TTN: variants seen among roughly 807,000 people sequenced by gnomAD.
TTN encodes the protein titin.
TTN carries 1,525 observed loss-of-function variants against 3,223.0 expected under a neutral mutation model. The observed-to-expected ratio is 0.47, with a 90% CI of 0.45 to 0.49. The LOEUF is 0.49. Among genes scored for constraint, TTN ranks in the 20% least tolerant of loss-of-function variants. The pLI is 0.00. For missense variants in TTN, 40,786 were observed against 43,424.0 expected (o/e 0.94, Z 5.40); for synonymous variants, 14,094 against 15,161.0 (o/e 0.93, Z 5.17).
rs1235358964 is a variant in TTN, at chr2:178,770,527, G to C, written c.8265C>G (p.Ile2755Met). ...VVLESNEKYA[I>M]SVKGTIYSLR... ...GAGAGTAAATTGTTCCTTTGACAGA[G>C]ATAGCATACTTTTCATTGGATTCCA... is the stretch of plus-strand genomic sequence containing the variant. Residue 2755 changes from isoleucine to methionine, a missense_variant, in exon 35 of 363, where the codon ATC (isoleucine) becomes ATG (methionine). Coordinates refer to ENST00000589042, the MANE Select transcript of TTN (RefSeq NM_001267550.2). 1 of 1,614,144 alleles carries C rather than the reference G, an allele frequency of 6.2e-7. No homozygotes were observed. The highest frequency in any genetic ancestry group is 1.7e-5 in the Admixed American group (1 of 60,010).
In TTN at chr2:178,634,796, G is replaced by T; in HGVS notation, c.42078C>A (p.Val14026=). The change falls in exon 229 of 363, where the codon GTC becomes GTA. Residue 14026 remains valine, a synonymous_variant. Coordinates refer to ENST00000589042, the MANE Select transcript of TTN (RefSeq NM_001267550.2). This position sits in a 1 kb window ranked among gnomAD's most constrained non-coding sequence, Gnocchi z 4.6. ...GGACTTCACCAGCTTGGTCCAGTTT[G>T]ACTTTGTGCAAAGTTAAGAAGCGTT... is the stretch of plus-strand genomic sequence containing the variant. ...GGKRFLTLHK[V]KLDQAGEVLY... 1 of 1,612,924 alleles carries T rather than the reference G, an allele frequency of 6.2e-7. No homozygotes were observed. Among genetic ancestry groups the T allele is most frequent in the South Asian group, 1.1e-5 (1 of 90,912 alleles).
In TTN at chr2:178,776,974, C is replaced by T. The variant is rs752145538; in HGVS notation, c.4890G>A (p.Ala1630=). The T allele has an allele frequency of 1.1e-5, 17 of 1,613,792 alleles. No homozygotes were observed. Among genetic ancestry groups the T allele is most frequent in the African/African-American group, 5.3e-5 (4 of 74,882 alleles). The change falls in exon 28 of 363, where the codon GCG becomes GCA. Residue 1630 remains alanine, a synonymous_variant. Coordinates refer to ENST00000589042, the MANE Select transcript of TTN (RefSeq NM_001267550.2). ...CTCTGCCAGCTTTATTAATAGCAGT[C>T]GCAGTATACCAGGCAGAATCTTGGC... ...TVSQDSAWYT[A]TAINKAGRDT...
Position 178,776,503 on chromosome 2 carries a change from G to A in TTN, c.5361C>T (p.His1787=), listed in dbSNP as rs958776952. ...CTTTAACAATAAGGGTAGCAGATGT[G>A]TGATCTGTTCCATATTTGTTAGTGG... ...CRATNKYGTD[H]TSATLIVKDE... Residue 1787 remains histidine (H), a synonymous_variant, in exon 28 of 363, where the codon CAC becomes CAT. Transcript: ENST00000589042. 3 of 1,608,578 alleles carry A rather than the reference G, an allele frequency of 1.9e-6. No individual in the cohort carries two copies. Among genetic ancestry groups the A allele is most frequent in the Non-Finnish European group, 2.5e-6 (3 of 1,179,978 alleles).
rs746309005 is a variant in TTN, at chr2:178,548,056, A to G, written c.93570T>C (p.Asn31190=). The G allele has an allele frequency of 1.9e-6, 3 of 1,613,762 alleles. No individual in the cohort carries two copies. Among genetic ancestry groups the G allele is most frequent in the Admixed American group, 1.7e-5 (1 of 59,976 alleles). ...CTCTGGGTTCACTATAGCCAGCATC[A>G]TTCTTGGCCTTCACACGGAATTCAT... ...TEYEFRVKAK[N]DAGYSEPREA... Residue 31190 remains asparagine, a synonymous_variant, in exon 339 of 363, where the codon AAT becomes AAC. Coordinates refer to ENST00000589042, the MANE Select transcript of TTN (RefSeq NM_001267550.2). This position sits in a 1 kb window ranked among gnomAD's most constrained non-coding sequence, Gnocchi z 4.3.
rs1690138052 is a variant in TTN, at chr2:178,533,628, A to G, written c.102987T>C (p.Ala34329=). 1 of 1,613,998 alleles carries G rather than the reference A, an allele frequency of 6.2e-7. No homozygotes were observed. Among genetic ancestry groups the G allele is most frequent in the East Asian group, 2.2e-5 (1 of 44,884 alleles). ...TGTTCCTTGCCACAACAGTATATTC[A>G]GCGTCATCATCTGTAGTGACACTGT... ...TINSVTTDDD[A]EYTVVARNKY... Residue 34329 remains alanine, a synonymous_variant, in exon 358 of 363, where the codon GCT becomes GCC. Transcript: ENST00000589042.
Position 178,564,062 on chromosome 2 carries a change from G to C in TTN, c.82070C>G (p.Thr27357Arg), listed in dbSNP as rs754175266. 1.5e-5 allele frequency: 25 copies of C among 1,613,592 alleles called. No homozygotes were observed. Among genetic ancestry groups the C allele is most frequent in the Middle Eastern group, 1.6e-4 (1 of 6,080 alleles). Residue 27357 changes from threonine (T) to arginine (R), a missense_variant, in exon 326 of 363, where the codon ACA becomes AGA. Thr to Arg is a moderately conservative substitution (Grantham distance 71). Coordinates refer to ENST00000589042, the MANE Select transcript of TTN (RefSeq NM_001267550.2). ...YILKLSNVGG[T>R]KSIPITVKVL... ...CTTTACAGTGATGGGTATAGACTTT[G>C]TACCACCAACATTGCTGAGTTTCAG...
intron 144 of TTN, 49 bp downstream of exon 144, chr2:178,678,365 T>G: frequency 1.3e-6 from 2 of 1,528,186 alleles, no homozygotes; most frequent in Non-Finnish European, 1.8e-6. Context: ...TGAGTATACA[T>G]AGATGTGAGT....
Position 178,554,495 on chromosome 2 carries a change from C to T in TTN, c.88852G>A (p.Glu29618Lys), listed in dbSNP as rs879222602. 1.8e-5 allele frequency: 29 copies of T among 1,613,254 alleles called. No homozygotes were observed. The highest frequency in any genetic ancestry group is 2.2e-5 in the East Asian group (1 of 44,712). ...VRAVNKYGIGEPLESDSVVAK... is the reference protein window; with the variant it reads ...VRAVNKYGIGKPLESDSVVAK... ...ACAACGGAATCAGATTCCAGTGGCT[C>T]GCCAATTCCATATTTGTTCACGGCT... Residue 29618 changes from glutamate (E) to lysine (K), a missense_variant, in exon 332 of 363, where the codon GAG becomes AAG. Glu to Lys is a moderately conservative substitution (Grantham distance 56). Transcript: ENST00000589042.
At position 178,721,193 on chromosome 2, in the gene TTN, T is replaced by C; in HGVS notation, c.22826A>G (p.Lys7609Arg). Residue 7609 changes from lysine to arginine, a missense_variant, in exon 79 of 363, where the codon AAG becomes AGG. Transcript: ENST00000589042. ...SAQLSVKEPPKFVKKLEASKV... is the reference protein window; with the variant it reads ...SAQLSVKEPPRFVKKLEASKV... Reference sequence around the variant, plus strand: ...TGAAGCTTCTAATTTCTTAACAAACTTTGGAGGTTCTAGTAAACCAAACAA... The same window carrying C: ...TGAAGCTTCTAATTTCTTAACAAACCTTGGAGGTTCTAGTAAACCAAACAA... 1.3e-6 allele frequency: 2 copies of C among 1,594,658 alleles called. No individual in the cohort carries two copies. The highest frequency in any genetic ancestry group is 1.7e-6 in the Non-Finnish European group (2 of 1,167,624).
chr2:178,624,496 A>G lies in TTN; in HGVS notation c.44784T>C (p.Asp14928=), dbSNP rs186105748. 234 of 1,612,608 alleles carry G rather than the reference A, an allele frequency of 1.5e-4. 2 individuals carry two copies. In the African/African-American group the frequency reaches 2.6e-3, roughly 18 times the overall value. The change falls in exon 242 of 363, where the codon GAT becomes GAC. Residue 14928 remains aspartate (D), a synonymous_variant. Transcript: ENST00000589042. ...DIKTYTCDAK[D]FKTSCNLNVV... ...CATTCAGGTTACAGGAAGTCTTAAA[A>G]TCCTTAGCATCACAAGTGTATGTTT...
In TTN at chr2:178,747,128, G is replaced by A. The variant is rs751872573; in HGVS notation, c.11312-5207C>T. 1.6e-5 allele frequency: 26 copies of A among 1,605,838 alleles called. No homozygotes were observed. The South Asian group carries it at 2.9e-4, about 18-fold the overall frequency. On this transcript the variant is annotated intron_variant, in intron 47 of 362. Coordinates refer to ENST00000589042, the MANE Select transcript of TTN (RefSeq NM_001267550.2). ...TGGGGGTGTGGAGTATCTCTCCAGA[G>A]TCTCTCCTGGGGGTGTGGAATATCT...
chr2:178,793,335 G>C (rs2093611214), intron 9 of TTN, 69 bp downstream of exon 9: 1 of 1,578,716 alleles, frequency 6.3e-7, no homozygotes, highest in Non-Finnish European at 8.6e-7. Flanking sequence ...ACTCTTCATG[G>C]TAAAGGTGAT....
intron 41 of TTN, 70 bp downstream of exon 41, chr2:178,766,311 T>C: frequency 8.0e-7 from 1 of 1,256,028 alleles, no homozygotes; most frequent in African/African-American, 1.5e-5. Context: ...GTTACAAGAA[T>C]TTAGTGACTT....
At chr2:178,612,199 G>A (rs1255007414) in intron 266 of TTN, 37 bp from the exon 267 acceptor site, 1 of 1,605,904 alleles carries the variant, frequency 6.2e-7, no homozygotes, top group Non-Finnish European at 8.5e-7. Context: ...GAAAACCAGA[G>A]GAAAGGTGAT....
At chr2:178,751,464 G>GT in intron 47 of TTN, 1 of 1,613,134 alleles carries the variant, frequency 6.2e-7, no homozygotes. Context: ...TCCACATCTT[G>GT]TTTTTTGTTA....
At position 178,744,078 on chromosome 2, in the gene TTN, T is replaced by C. The variant is rs145379272; in HGVS notation, c.11312-2157A>G. 1.1e-3 allele frequency among the ~76,000 whole-genome samples: 171 copies of C among 152,060 alleles called. 3 individuals carry two copies. The highest frequency in any genetic ancestry group is 3.9e-3 in the Admixed American group (59 of 15,232). The stretch of plus-strand genomic sequence containing the variant: ...AGACTGATAGATGAAAGAAACATAA[T>C]AAACATAATTGGATATGAATTCTTT... On this transcript the variant is annotated intron_variant, in intron 47 of 362. Coordinates refer to ENST00000589042, the MANE Select transcript of TTN (RefSeq NM_001267550.2).
rs1691011936 is a variant in TTN at position 178,535,495 on chromosome 2, T to C, written c.101120A>G (p.Asn33707Ser). 1 of 1,613,910 alleles carries C rather than the reference T, an allele frequency of 6.2e-7. No individual in the cohort carries two copies. The highest frequency in any genetic ancestry group is 8.5e-7 in the Non-Finnish European group (1 of 1,179,830). Residue 33707 changes from asparagine to serine, a missense_variant, in exon 358 of 363, where the codon AAC becomes AGC. Asn to Ser is a conservative substitution (Grantham distance 46). Transcript: ENST00000589042. ...AGAGGCTGGCTCAGTCCATGTTAAG[T>C]TGACAGAATCTCGTGAGACATCACT... ...KVSDVSRDSV[N>S]LTWTEPASDG...
In TTN at chr2:178,729,874, A is replaced by C. The variant is rs370812788; in HGVS notation, c.18379T>G (p.Cys6127Gly). The C allele has an allele frequency of 1.2e-4, 196 of 1,613,604 alleles. 1 individual carries two copies. The East Asian group carries it at 3.3e-3, about 27-fold the overall frequency. Residue 6127 changes from cysteine to glycine, a missense_variant, in exon 63 of 363, where the codon TGC becomes GGC. Coordinates refer to ENST00000589042, the MANE Select transcript of TTN (RefSeq NM_001267550.2). ...LRNGQSTTFECQITGTPKIRV... is the reference protein window; with the variant it reads ...LRNGQSTTFEGQITGTPKIRV... ...ATTTTAGGAGTGCCTGTTATTTGGC[A>C]TTCAAATGTTGTTGACTGTCCATTC...
In TTN at chr2:178,784,234, C is replaced by A. The variant is rs72647861; in HGVS notation, c.2611G>T (p.Val871Leu). 8.7e-5 allele frequency: 141 copies of A among 1,614,030 alleles called. No individual in the cohort carries two copies. The highest frequency in any genetic ancestry group is 3.3e-4 in the Middle Eastern group (2 of 6,082). The change falls in exon 16 of 363, where the codon GTA becomes TTA. Residue 871 changes from valine (V) to leucine (L), a missense_variant. Physicochemically the swap from Val to Leu is conservative, Grantham distance 32. Coordinates refer to ENST00000589042, the MANE Select transcript of TTN (RefSeq NM_001267550.2). ...APTVKPSETR[V>L]RAEPTPLPQF... is the part of the protein sequence containing the mutation. ...GGCAAGGGTGTGGGCTCTGCCCTTA[C>A]TCTAGTCTCACTGGGCTTCACAGTA...
Sources: gnomAD v4.1 joint callset for allele counts (sites outside exome capture counted in the v4.1 genomes callset) on GRCh38, gnomAD v4.1.1 for gene constraint, Gnocchi (gnomAD v3.1) non-coding constraint, MANE v1.5 for transcripts, NCBI Gene and HGNC (gene_info 2026-07-23, HGNC 2026-07-21) for gene names.